RNF111: variants seen among roughly 807,000 people sequenced by gnomAD.
RNF111 encodes ring finger protein 111.
In RNF111, 17 loss-of-function variants were observed where a neutral mutation model predicts 95.1. The observed-to-expected ratio is 0.18, with a 90% CI of 0.12 to 0.27. The LOEUF is 0.27. RNF111 is among the 10% of genes least tolerant of loss of function. The pLI is 1.00. For missense variants in RNF111, 1,189 were observed against 1,210.4 expected, an observed-to-expected ratio of 0.98 and a Z score of 0.26; for synonymous variants, 440 against 414.8, an observed-to-expected ratio of 1.06 and a Z score of -0.74.
intron 1 of RNF111, among the ~76,000 whole-genome samples, chr15:59,013,306 C>G (rs1053031782): frequency 2.6e-5 from 4 of 152,232 alleles, no homozygotes; most frequent in Non-Finnish European, 5.9e-5. Context: ...ACACGTTTGT[C>G]ATGACTAAGA....
intron 1 of RNF111, among the ~76,000 whole-genome samples, chr15:58,995,876 A>G (rs1384105743): frequency 2.7e-5 from 4 of 146,990 alleles, no homozygotes; most frequent in Non-Finnish European, 5.9e-5. Flanking sequence ...GCCGTTTTCC[A>G]TGGAACCCTG....
At chr15:59,047,140 A>G (rs893486412) in intron 2 of RNF111, among the ~76,000 whole-genome samples, 1 of 152,164 alleles carries the variant, frequency 6.6e-6, no homozygotes, top group Non-Finnish European at 1.5e-5. Flanking sequence ...CTTATAATTC[A>G]ACAATGAGAC....
chr15:59,075,839 T>C (rs1298869190), intron 6 of RNF111, 115 bp from the exon 7 acceptor site: 1 of 1,157,698 alleles, frequency 8.6e-7, no homozygotes, highest in African/African-American at 1.6e-5. Context: ...TCTTCCTGGT[T>C]TCAAACTAAT....
chr15:59,046,927 G>C (rs900023145), intron 2 of RNF111, among the ~76,000 whole-genome samples: 1 of 152,052 alleles, frequency 6.6e-6, no homozygotes, highest in Non-Finnish European at 1.5e-5. Flanking sequence ...GAGTACAATG[G>C]CACAGTCTCG....
At chr15:59,004,643 C>T (rs887472112) in intron 1 of RNF111, among the ~76,000 whole-genome samples, 1 of 152,154 alleles carries the variant, frequency 6.6e-6, no homozygotes, top group African/African-American at 2.4e-5. Context: ...TTTCACTTCA[C>T]TGTCTGAATA....
chr15:59,076,297 C>G, intron 7 of RNF111, 82 bp downstream of exon 7: 1 of 1,468,616 alleles, frequency 6.8e-7, no homozygotes, highest in African/African-American at 1.4e-5. Flanking sequence ...AACCTTTAAT[C>G]CCAGTTCTTA....
At chr15:59,026,782 T>A (rs987788295) in intron 1 of RNF111, among the ~76,000 whole-genome samples, 10 of 152,108 alleles carry the variant, frequency 6.6e-5, no homozygotes, top group Non-Finnish European at 1.0e-4. Flanking sequence ...AAAAATAGTA[T>A]GAATTACTCC....
At chr15:59,041,021 C>G (rs1255124309) in intron 2 of RNF111, among the ~76,000 whole-genome samples, 1 of 152,016 alleles carries the variant, frequency 6.6e-6, no homozygotes, top group African/African-American at 2.4e-5. Context: ...AATATGACCC[C>G]CTTCTCTTAC....
At chr15:59,093,337 C>CTTTTTTTTTTTTTTTTT in intron 13 of RNF111, 2 of 272,050 alleles carry the variant, frequency 7.4e-6, no homozygotes, top group Non-Finnish European at 1.3e-5. Context: ...TTTACAGCAT[C>CTTTTTTTTTTTTTTTTT]TTTTTTTTTT....
At position 59,031,200 on chromosome 15, in the gene RNF111, T is replaced by A. The variant is rs955756733; in HGVS notation, c.378T>A (p.Ser126Arg). ...TGAGGCAACACCTAGGGACACCAAG[T>A]GATGAAGATAATGATTCCTCTTTTA... Reference protein sequence around the residue: ...LGLRQHLGTPSDEDNDSSFSD... With the variant: ...LGLRQHLGTPRDEDNDSSFSD... Residue 126 changes from serine (S) to arginine (R), a missense_variant, in exon 2 of 14, where the codon AGT becomes AGA. Physicochemically the swap from Ser to Arg is moderately radical, Grantham distance 110. Transcript: ENST00000348370. The A allele has an allele frequency of 5.0e-6, 8 of 1,614,048 alleles. No homozygotes were observed. The African/African-American group carries it at 1.1e-4, about 22-fold the overall frequency.
At chr15:59,080,884 A>T (rs1427129824) in intron 7 of RNF111, 52 bp from the exon 8 acceptor site, 2 of 1,341,552 alleles carry the variant, frequency 1.5e-6, no homozygotes, top group Non-Finnish European at 2.1e-6. Context: ...ATAGCAATAT[A>T]TGTTCAACTG....
At chr15:58,993,387 A>G (rs2038907123) in intron 1 of RNF111, among the ~76,000 whole-genome samples, 1 of 151,292 alleles carries the variant, frequency 6.6e-6, no homozygotes, top group Non-Finnish European at 1.5e-5. Flanking sequence ...TAAATACAAA[A>G]ATTAGCTGGG....
intron 1 of RNF111, among the ~76,000 whole-genome samples, chr15:59,005,611 G>A (rs147023567): frequency 1.3e-3 from 196 of 152,102 alleles, no homozygotes; most frequent in African/African-American, 4.6e-3. Context: ...GGAATTTGAG[G>A]TTCACTTGAA....
intron 5 of RNF111, among the ~76,000 whole-genome samples, chr15:59,063,389 G>A (rs113712807): frequency 1.3e-5 from 2 of 152,234 alleles, no homozygotes; most frequent in Non-Finnish European, 1.5e-5. Context: ...ATTCATGCCT[G>A]CCTCTCGATA....
At chr15:58,994,430 C>T (rs925020577) in intron 1 of RNF111, among the ~76,000 whole-genome samples, 2 of 150,546 alleles carry the variant, frequency 1.3e-5, no homozygotes, top group Non-Finnish European at 3.0e-5. Flanking sequence ...TTCAGATTCA[C>T]CAATTTTTAA....
Position 59,073,985 on chromosome 15 carries a change from A to G in RNF111, c.1687-1969A>G, listed in dbSNP as rs1001299329. ...CTCTTTGGTGACTATGTGCATTGTC[A>G]AGAAACAGCAATTTTCTTTTTTCTT... On this transcript the variant is annotated intron_variant, in intron 6 of 13. Coordinates refer to ENST00000348370, the MANE Select transcript of RNF111 (RefSeq NM_017610.8). Among the ~76,000 whole-genome samples the G allele has an allele frequency of 3.3e-5, 5 of 152,324 alleles. No individual in the cohort carries two copies. The South Asian group carries it at 6.2e-4, about 19-fold the overall frequency.
chr15:58,992,781 C>T (rs1028770241), intron 1 of RNF111, among the ~76,000 whole-genome samples: 1 of 152,168 alleles, frequency 6.6e-6, no homozygotes, highest in Non-Finnish European at 1.5e-5. Flanking sequence ...GATTGTGCCA[C>T]TGCATTCCAG....
At chr15:59,011,891 A>T (rs2039832174) in intron 1 of RNF111, among the ~76,000 whole-genome samples, 1 of 151,742 alleles carries the variant, frequency 6.6e-6, no homozygotes, top group South Asian at 2.1e-4. Flanking sequence ...CCAACTGAAG[A>T]TAATGTCTTA....
intron 1 of RNF111, among the ~76,000 whole-genome samples, chr15:59,005,047 G>C (rs2039477751): frequency 6.6e-6 from 1 of 152,082 alleles, no homozygotes; most frequent in South Asian, 2.1e-4. Context: ...TTTTTTTCTT[G>C]TCAAGTTCAC....
Sources: allele counts gnomAD v4.1 joint callset (sites outside exome capture counted in the v4.1 genomes callset), GRCh38; gene constraint gnomAD v4.1.1; transcripts MANE v1.5; gene names NCBI Gene and HGNC (gene_info 2026-07-23, HGNC 2026-07-21).